The following EFHC2 variants were observed in gnomAD, a reference collection of about 807,000 sequenced individuals.
EFHC2 encodes EF-hand domain containing 2.
In EFHC2, 18 loss-of-function variants were observed where a neutral mutation model predicts 52.7. That is an observed-to-expected ratio of 0.34 (90% CI 0.24 to 0.51). The LOEUF is 0.51. EFHC2 is among the 20% of genes least tolerant of loss of function. The pLI is 0.97. For synonymous variants in EFHC2, 203 were observed against 204.1 expected (o/e 0.99, Z 0.04); for missense variants, 513 against 562.5 (o/e 0.91, Z 0.89).
intron 2 of EFHC2, among the ~76,000 whole-genome samples, chrX:44,279,274 G>A (rs1280124384): frequency 8.9e-6 from 1 of 112,150 alleles, no homozygotes; most frequent in Admixed American, 9.5e-5. Flanking sequence ...AACACAGGAG[G>A]CAGAGGTTGC....
chrX:44,226,902 GAAAA>G, intron 11 of EFHC2, among the ~76,000 whole-genome samples: 1 of 103,504 alleles, frequency 9.7e-6, no homozygotes, highest in Admixed American at 1.0e-4. Flanking sequence ...ATAAAAAAAA[GAAAA>G]AGAAAAAGAA....
intron 1 of EFHC2, among the ~76,000 whole-genome samples, chrX:44,317,514 A>T (rs1159718750): frequency 8.8e-6 from 1 of 113,006 alleles, no homozygotes; most frequent in East Asian, 2.8e-4. Flanking sequence ...AGCCTGGCAC[A>T]GTGGCTCACA....
At chrX:44,286,668 G>A (rs1371225403) in intron 2 of EFHC2, among the ~76,000 whole-genome samples, 4 of 110,905 alleles carry the variant, frequency 3.6e-5, no homozygotes, top group African/African-American at 1.3e-4. Context: ...TTAAAAGTGA[G>A]GTAGGTGATT....
intron 11 of EFHC2, among the ~76,000 whole-genome samples, chrX:44,192,415 G>A (rs190164302): frequency 6.3e-5 from 7 of 111,432 alleles, no homozygotes; most frequent in Admixed American, 1.9e-4. Flanking sequence ...GTATTTTTAA[G>A]CGTTGTTTTG....
At chrX:44,247,400 C>T (rs1219885768) in intron 7 of EFHC2, among the ~76,000 whole-genome samples, 2 of 111,636 alleles carry the variant, frequency 1.8e-5, no homozygotes, top group East Asian at 5.7e-4. Context: ...TTGCACTTGG[C>T]TTCCATCTTG....
chrX:44,341,650 A>G (rs2038152436), intron 1 of EFHC2, among the ~76,000 whole-genome samples: 1 of 111,578 alleles, frequency 9.0e-6, no homozygotes, highest in African/African-American at 3.3e-5. Context: ...AGGTCTTACT[A>G]TATTGCCCAG....
intron 11 of EFHC2, among the ~76,000 whole-genome samples, chrX:44,213,132 A>T (rs757752380): frequency 9.0e-6 from 1 of 110,989 alleles, no homozygotes; most frequent in South Asian, 3.9e-4. Context: ...AATCAGACTC[A>T]GATATGGCAG....
chrX:44,336,247 C>T (rs1386208533), intron 1 of EFHC2, among the ~76,000 whole-genome samples: 2 of 109,230 alleles, frequency 1.8e-5, no homozygotes, highest in Non-Finnish European at 3.8e-5. Flanking sequence ...ATTAGCCGGG[C>T]GTGGTGGCAC....
intron 11 of EFHC2, among the ~76,000 whole-genome samples, chrX:44,228,572 T>G (rs931914245): frequency 8.9e-6 from 1 of 112,055 alleles, no homozygotes; most frequent in African/African-American, 3.3e-5. Context: ...TTCTTATTGA[T>G]CCCAGAAGGT....
At chrX:44,194,856 T>A (rs925998523) in intron 11 of EFHC2, among the ~76,000 whole-genome samples, 1 of 111,018 alleles carries the variant, frequency 9.0e-6, no homozygotes, top group Non-Finnish European at 1.9e-5. Context: ...CAGGGTCCAA[T>A]TTGTACTGAG....
At chrX:44,235,889 T>C (rs2037316394) in intron 8 of EFHC2, among the ~76,000 whole-genome samples, 1 of 112,024 alleles carries the variant, frequency 8.9e-6, no homozygotes, top group South Asian at 3.7e-4. Flanking sequence ...GCCCTTTACT[T>C]TTCTGTCTTC....
At chrX:44,262,512 C>CAAAAAAAAAAAAAAAA (rs749239313) in intron 3 of EFHC2, among the ~76,000 whole-genome samples, 12 of 29,083 alleles carry the variant, frequency 4.1e-4, no homozygotes, top group Non-Finnish European at 6.2e-4. Flanking sequence ...AGCCCTGTCT[C>CAAAAAAAAAAAAAAAA]AAAAAAAAAA....
intron 2 of EFHC2, among the ~76,000 whole-genome samples, chrX:44,301,491 G>A (rs2037868897): frequency 2.7e-5 from 3 of 112,047 alleles, no homozygotes; most frequent in Admixed American, 9.5e-5. Context: ...TAGGCAGCAG[G>A]CATGGTGAAC....
rs1183287755 is a variant in EFHC2, at chrX:44,276,307, T to C, written c.232-3471A>G. On this transcript the variant is annotated intron_variant, in intron 2 of 14. Coordinates refer to ENST00000420999, the MANE Select transcript of EFHC2 (RefSeq NM_025184.4). ...GTCAGGTATGGTGGTGCGTGCCTCA[T>C]AGTCCAAGCTGCTCAGGAAGCTGAG... is the stretch of plus-strand genomic sequence containing the variant. 3.6e-5 allele frequency among the ~76,000 whole-genome samples: 4 copies of C among 111,645 alleles called. No individual in the cohort carries two copies. The Admixed American group carries it at 3.8e-4, about 11-fold the overall frequency.
chrX:44,157,367 T>A (rs1042850023), intron 14 of EFHC2, among the ~76,000 whole-genome samples: 2 of 111,096 alleles, frequency 1.8e-5, no homozygotes, highest in Admixed American at 1.9e-4. Flanking sequence ...AAATAGATTG[T>A]GCTGGGTCAG....
chrX:44,199,190 C>T (rs1401560814), intron 11 of EFHC2, among the ~76,000 whole-genome samples: 5 of 112,500 alleles, frequency 4.4e-5, no homozygotes, highest in East Asian at 2.8e-4. Flanking sequence ...AGTGAGCTCT[C>T]GCTCTGAGAT....
At chrX:44,163,544 A>C (rs979153227) in intron 14 of EFHC2, among the ~76,000 whole-genome samples, 10 of 112,161 alleles carry the variant, frequency 8.9e-5, no homozygotes, top group African/African-American at 3.2e-4. Context: ...GGATACCCGG[A>C]TACCCTAGGG....
intron 7 of EFHC2, among the ~76,000 whole-genome samples, chrX:44,244,731 G>A (rs936738267): frequency 8.9e-6 from 1 of 111,939 alleles, no homozygotes; most frequent in African/African-American, 3.3e-5. Flanking sequence ...TTACCTCAAC[G>A]TTCACTGCTT....
intron 14 of EFHC2, among the ~76,000 whole-genome samples, chrX:44,151,992 T>C (rs1335055282): frequency 1.8e-5 from 2 of 111,805 alleles, no homozygotes. Flanking sequence ...TATAACATTG[T>C]CATAGAATCA....
Sources: gnomAD v4.1 joint callset for allele counts (sites outside exome capture counted in the v4.1 genomes callset) on GRCh38, gnomAD v4.1.1 for gene constraint, MANE v1.5 for transcripts, NCBI Gene and HGNC (gene_info 2026-07-23, HGNC 2026-07-21) for gene names.